DNAAF5: variants seen among roughly 807,000 people sequenced by gnomAD.
The protein encoded by DNAAF5 is dynein axonemal assembly factor 5.
DNAAF5 carries 64 observed loss-of-function variants against 75.8 expected under a neutral mutation model. The ratio of observed to expected loss-of-function variants is 0.84; its 90% CI spans 0.69 to 1.04. DNAAF5 has a LOEUF of 1.04. DNAAF5 is among the 50% of genes least tolerant of loss of function. The pLI is 0.00. For missense variants in DNAAF5, 1,269 were observed against 1,178.5 expected (o/e 1.08, Z -1.12); for synonymous variants, 657 against 557.2 (o/e 1.18, Z -2.52).
rs1781360520 is a variant in DNAAF5, at chr7:727,266, G to T, written c.546G>T (p.Val182=). Residue 182 remains valine, a synonymous_variant, in exon 1 of 13, where the codon GTG becomes GTT. Coordinates refer to ENST00000297440, the MANE Select transcript of DNAAF5 (RefSeq NM_017802.4). ...RCSLLDPFAA[V]RRESCSCAAA... ...CCCTGCTCGACCCCTTCGCCGCCGT[G>T]CGCCGCGAGAGCTGCAGCTGCGCCG... 1.5e-6 allele frequency: 2 copies of T among 1,328,178 alleles called. No homozygotes were observed. Among genetic ancestry groups the T allele is most frequent in the South Asian group, 3.9e-5 (2 of 51,860 alleles). The allele number at this position is 1,328,178 out of a possible 1,614,324, so 82.3% of individuals were successfully genotyped here.
At chr7:746,523 T>C (rs923035073) in intron 4 of DNAAF5, among the ~76,000 whole-genome samples, 1 of 121,148 alleles carries the variant, frequency 8.3e-6, no homozygotes, top group Admixed American at 8.5e-5. Flanking sequence ...TCCTGCCCTG[T>C]CCAGCGTCTG....
intron 2 of DNAAF5, among the ~76,000 whole-genome samples, chr7:737,519 T>C (rs1458278798): frequency 6.6e-6 from 1 of 152,240 alleles, no homozygotes; most frequent in Admixed American, 6.5e-5. Flanking sequence ...CCACTGAGTT[T>C]TATCCTTTTA....
intron 11 of DNAAF5, among the ~76,000 whole-genome samples, chr7:777,937 C>T (rs1778816766): frequency 6.6e-6 from 1 of 152,050 alleles, no homozygotes; most frequent in Non-Finnish European, 1.5e-5. Flanking sequence ...CCGAGAGGCT[C>T]CCGGGCTTTT....
Position 773,329 on chromosome 7 carries a change from G to A in DNAAF5, c.1932-719G>A, listed in dbSNP as rs377482695. Among the ~76,000 whole-genome samples the A allele has an allele frequency of 1.9e-3, 284 of 152,350 alleles. 2 individuals carry two copies. Among genetic ancestry groups the A allele is most frequent in the Admixed American group, 3.3e-3 (50 of 15,306 alleles). ...GGAAGGGACGCTGTGCAGGCTTCAC[G>A]GACGCTGGAGGGCTGCGGGCTGTGG... On this transcript the variant is annotated intron_variant, in intron 9 of 12. Transcript: ENST00000297440.
chr7:772,616 C>T (rs1025659527), intron 9 of DNAAF5: 1 of 152,234 alleles, frequency 6.6e-6, no homozygotes, highest in Non-Finnish European at 1.5e-5. Flanking sequence ...GCAGCGTCTT[C>T]GGGTCCTGTG....
At chr7:746,731 C>G (rs1166136423) in intron 4 of DNAAF5, among the ~76,000 whole-genome samples, 16 of 152,086 alleles carry the variant, frequency 1.1e-4, no homozygotes, top group African/African-American at 3.9e-4. Flanking sequence ...TCCCCCGGGA[C>G]CACGCTGCAT....
chr7:731,450 A>G lies in DNAAF5; in HGVS notation c.780+1603A>G, dbSNP rs75536435. Reference sequence around the variant, plus strand: ...ACTATACCGTAACTCTAAAAATACCATAACTATGTGTCGACAGCTGCCTAT... The same window carrying G: ...ACTATACCGTAACTCTAAAAATACCGTAACTATGTGTCGACAGCTGCCTAT... On this transcript the variant is annotated intron_variant, in intron 2 of 12. Transcript: ENST00000297440. 4.4e-3 allele frequency among the ~76,000 whole-genome samples: 675 copies of G among 152,332 alleles called. 8 individuals carry two copies. The highest frequency in any genetic ancestry group is 0.015 in the African/African-American group (640 of 41,572).
At chr7:768,499 G>C (rs540117777) in intron 8 of DNAAF5, 1 of 150,864 alleles carries the variant, frequency 6.6e-6, no homozygotes, top group African/African-American at 2.5e-5. Context: ...GCGAGCAGGA[G>C]CTCGCGCTGG....
intron 6 of DNAAF5, among the ~76,000 whole-genome samples, chr7:760,072 GCGCGGC>G (rs1164756653): frequency 4.0e-4 from 4 of 9,948 alleles, no homozygotes; most frequent in African/African-American, 6.2e-4. Flanking sequence ...AGACGGGGCC[GCGCGGC>G]TCCTCCAGCT....
At chr7:783,489 G>A (rs1779046655) in intron 12 of DNAAF5, among the ~76,000 whole-genome samples, 1 of 152,194 alleles carries the variant, frequency 6.6e-6, no homozygotes, top group South Asian at 2.1e-4. Context: ...GGGACCCCGA[G>A]GGCCTTGGAG....
Position 774,202 on chromosome 7 carries a change from C to T in DNAAF5, c.2082+4C>T, listed in dbSNP as rs765618993. The T allele has an allele frequency of 1.2e-6, 2 of 1,602,028 alleles. No individual in the cohort carries two copies. Among genetic ancestry groups the T allele is most frequent in the African/African-American group, 1.3e-5 (1 of 74,818 alleles). On this transcript the variant is annotated splice_donor_region_variant and intron_variant, in intron 10 of 12. Transcript: ENST00000297440. The stretch of plus-strand genomic sequence containing the variant: ...CGAGGTCCTGTCGGCAGAGCAGGTA[C>T]GGGGCTCCCTGCGTGCTCGGTGGAC...
At chr7:774,956 C>T (rs760056001) in intron 10 of DNAAF5, 50 bp from the exon 11 acceptor site, 2 of 1,592,572 alleles carry the variant, frequency 1.3e-6, no homozygotes, top group Non-Finnish European at 1.7e-6. Context: ...GCACCCCCAC[C>T]CCACCCCAGG....
At chr7:739,848 C>T (rs372086947) in intron 2 of DNAAF5, among the ~76,000 whole-genome samples, 2 of 152,290 alleles carry the variant, frequency 1.3e-5, no homozygotes, top group East Asian at 1.9e-4. Context: ...GCCCCTCCTC[C>T]GAGTCCCAGC....
chr7:777,397 C>T (rs901104061), intron 11 of DNAAF5, among the ~76,000 whole-genome samples: 1 of 152,064 alleles, frequency 6.6e-6, no homozygotes, highest in Admixed American at 6.6e-5. Flanking sequence ...TGTTTAAGAT[C>T]CTCAAAAAGC....
intron 6 of DNAAF5, among the ~76,000 whole-genome samples, chr7:758,144 T>G (rs1046000749): frequency 1.3e-5 from 2 of 152,242 alleles, no homozygotes; most frequent in African/African-American, 4.8e-5. Flanking sequence ...TAACACATCA[T>G]CGAATGTGTG....
rs1437350828 is a variant in DNAAF5, at chr7:763,919, C to G, written c.1728C>G (p.Asp576Glu). The change falls in exon 8 of 13, where the codon GAC becomes GAG. Residue 576 changes from aspartate (D) to glutamate (E), a missense_variant. By Grantham distance (45) the Asp-to-Glu change is conservative (BLOSUM62 2). Transcript: ENST00000297440. ...AGCGGGTGACCGCGTCGCACCTTGA[C>G]TGGACCGCACACTCGCCGGAGCTCC... ...LLERVTASHL[D>E]WTAHSPELLQ... The G allele has an allele frequency of 1.4e-5, 23 of 1,610,832 alleles. No individual in the cohort carries two copies. The highest frequency in any genetic ancestry group is 1.7e-6 in the Non-Finnish European group (2 of 1,180,034).
Position 770,510 on chromosome 7 carries a change from C to T in DNAAF5, c.1823C>T (p.Thr608Met), listed in dbSNP as rs201903719. The change falls in exon 9 of 13, where the codon ACG becomes ATG. Residue 608 changes from threonine (T) to methionine (M), a missense_variant. Transcript: ENST00000297440. ...GAAGCCCTGCCACACGTCGTGCCCA[C>T]GCTGAGGGCCTGTCTGCAGCCCTCC... ...LGEALPHVVPTLRACLQPSQD... is the reference protein window; with the variant it reads ...LGEALPHVVPMLRACLQPSQD... The T allele has an allele frequency of 8.7e-6, 14 of 1,613,808 alleles. No individual in the cohort carries two copies. The highest frequency in any genetic ancestry group is 4.4e-5 in the South Asian group (4 of 91,068).
At chr7:772,412 G>C (rs1778596970) in intron 9 of DNAAF5, 1 of 152,234 alleles carries the variant, frequency 6.6e-6, no homozygotes, top group African/African-American at 2.4e-5. Flanking sequence ...CTGAAGTGAA[G>C]GATGCTCAGC....
In DNAAF5 at chr7:763,981, C is replaced by T. The variant is rs748320384; in HGVS notation, c.1783+7C>T. 3.4e-5 allele frequency: 54 copies of T among 1,601,242 alleles called. 1 individual carries two copies. In the Admixed American group the frequency reaches 3.8e-4, roughly 11 times the overall value. On this transcript the variant is annotated splice_region_variant and intron_variant, in intron 8 of 12. Transcript: ENST00000297440. Reference sequence around the variant, plus strand: ...GTCATCGTCGCACAGTCAGGTGAGCCGTCCCGACAGCTGGCGTGCCGTGCC... The same window carrying T: ...GTCATCGTCGCACAGTCAGGTGAGCTGTCCCGACAGCTGGCGTGCCGTGCC...
Sources: gnomAD v4.1 joint callset for allele counts (sites outside exome capture counted in the v4.1 genomes callset) on GRCh38, gnomAD v4.1.1 for gene constraint, MANE v1.5 for transcripts, NCBI Gene and HGNC (gene_info 2026-07-23, HGNC 2026-07-21) for gene names.